OSBPL6: variants seen among roughly 807,000 people sequenced by gnomAD.
The protein encoded by OSBPL6 is oxysterol binding protein like 6.
OSBPL6 carries 49 observed loss-of-function variants against 125.8 expected under a neutral mutation model. That is an observed-to-expected ratio of 0.39 (90% CI 0.31 to 0.49). The LOEUF (loss-of-function observed/expected upper bound fraction) is 0.49. Ranked by LOEUF, OSBPL6 falls within the 20% of genes least tolerant of loss-of-function variation. The pLI, the probability that OSBPL6 is intolerant of heterozygous loss-of-function variation, is 0.88. For missense variants in OSBPL6, 986 were observed against 1,135.4 expected, an observed-to-expected ratio of 0.87 and a Z score of 1.89; for synonymous variants, 394 against 391.8, an observed-to-expected ratio of 1.01 and a Z score of -0.07.
intron 15 of OSBPL6, among the ~76,000 whole-genome samples, chr2:178,378,836 C>A (rs1045627302): frequency 3.3e-5 from 5 of 152,080 alleles, no homozygotes; most frequent in African/African-American, 1.2e-4. Flanking sequence ...GATTTCTGAT[C>A]ATTTCTATGA....
chr2:178,349,444 T>C, intron 12 of OSBPL6, 55 bp downstream of exon 12: 13 of 1,552,234 alleles, frequency 8.4e-6, no homozygotes, highest in Non-Finnish European at 1.1e-5. Flanking sequence ...GATGAAAGAT[T>C]ATCCTTTGTT....
chr2:178,267,437 C>T (rs928614664), intron 1 of OSBPL6, among the ~76,000 whole-genome samples: 1 of 151,840 alleles, frequency 6.6e-6, no homozygotes, highest in Non-Finnish European at 1.5e-5. Context: ...TTTACCTTCC[C>T]CACTTCACTT....
At chr2:178,247,582 C>T (rs1284337100) in intron 1 of OSBPL6, among the ~76,000 whole-genome samples, 1 of 152,108 alleles carries the variant, frequency 6.6e-6, no homozygotes, top group Middle Eastern at 3.2e-3. Flanking sequence ...TTTTCAATTT[C>T]TCCTTCTTCC....
chr2:178,270,768 C>G (rs1056292911), intron 1 of OSBPL6, among the ~76,000 whole-genome samples: 1 of 152,094 alleles, frequency 6.6e-6, no homozygotes, highest in African/African-American at 2.4e-5. Context: ...ATCCATTGGT[C>G]TTGGTTTTGA....
chr2:178,275,720 C>T (rs368550128), intron 1 of OSBPL6, among the ~76,000 whole-genome samples: 14 of 117,804 alleles, frequency 1.2e-4, no homozygotes, highest in South Asian at 3.0e-4. Context: ...AGAAGCCAAA[C>T]GGAGAAAAAA....
intron 1 of OSBPL6, among the ~76,000 whole-genome samples, chr2:178,280,225 A>G (rs966856048): frequency 7.2e-5 from 11 of 152,178 alleles, no homozygotes; most frequent in Admixed American, 5.9e-4. Context: ...AAAATTAAAT[A>G]AAATGAGGTT....
At chr2:178,321,657 T>C (rs1227313442) in intron 3 of OSBPL6, among the ~76,000 whole-genome samples, 3 of 152,226 alleles carry the variant, frequency 2.0e-5, no homozygotes, top group Non-Finnish European at 2.9e-5. Flanking sequence ...GAATAGCTTA[T>C]TTTTTGAAGC....
upstream of OSBPL6, among the ~76,000 whole-genome samples, chr2:178,193,859 G>T (rs2088665718): frequency 6.6e-6 from 1 of 152,148 alleles, no homozygotes; most frequent in Non-Finnish European, 1.5e-5. Flanking sequence ...TCTTCCTTTC[G>T]CAGAACCCAG....
intron 12 of OSBPL6, among the ~76,000 whole-genome samples, chr2:178,359,251 G>T (rs1692100006): frequency 6.6e-6 from 1 of 152,170 alleles, no homozygotes; most frequent in South Asian, 2.1e-4. Context: ...CAAAGGATCT[G>T]AGTAGATACT....
In OSBPL6 at chr2:178,371,785, C is replaced by G. The variant is rs148401968; in HGVS notation, c.1288-341C>G. The stretch of plus-strand genomic sequence containing the variant: ...TTTCAATGAAAACAATAGTTTTCAT[C>G]ACAGGCTGCAAAAAGTAATATATAT... On this transcript the variant is annotated intron_variant, in intron 13 of 24. Coordinates refer to ENST00000190611, the MANE Select transcript of OSBPL6 (RefSeq NM_032523.4). 7.1e-3 allele frequency among the ~76,000 whole-genome samples: 1,081 copies of G among 152,250 alleles called. 11 individuals carry two copies. Among genetic ancestry groups the G allele is most frequent in the African/African-American group, 0.025 (1,019 of 41,544 alleles).
intron 5 of OSBPL6, 74 bp downstream of exon 5, chr2:178,328,452 G>A: frequency 1.3e-6 from 2 of 1,555,438 alleles, no homozygotes; most frequent in Admixed American, 2.0e-5. Context: ...TCATGGGGTG[G>A]GAAACTAAGA....
chr2:178,372,347 A>C, intron 14 of OSBPL6, 114 bp downstream of exon 14: 2 of 669,718 alleles, frequency 3.0e-6, no homozygotes, highest in Non-Finnish European at 4.9e-6. Context: ...TCCCTCCATA[A>C]ATATTTGTGT....
At chr2:178,252,367 C>A (rs186966780) in intron 1 of OSBPL6, among the ~76,000 whole-genome samples, 1 of 151,978 alleles carries the variant, frequency 6.6e-6, no homozygotes, top group South Asian at 2.1e-4. Flanking sequence ...TCAAAAGCAG[C>A]GGTAGACAAA....
At chr2:178,302,786 G>A (rs1686411743) in intron 2 of OSBPL6, among the ~76,000 whole-genome samples, 1 of 152,022 alleles carries the variant, frequency 6.6e-6, no homozygotes. Context: ...CAAAAATCAA[G>A]GTGTTAGCAT....
At chr2:178,209,439 C>CTT (rs71850875) in intron 1 of OSBPL6, among the ~76,000 whole-genome samples, 1,163 of 95,682 alleles carry the variant, frequency 0.012, 18 homozygotes, top group African/African-American at 0.042. Flanking sequence ...TTCTTTCTTT[C>CTT]TTTTTTTTTT....
At chr2:178,327,543 A>T (rs1458789960) in intron 4 of OSBPL6, among the ~76,000 whole-genome samples, 1 of 152,198 alleles carries the variant, frequency 6.6e-6, no homozygotes, top group African/African-American at 2.4e-5. Flanking sequence ...GTGAGTCAAA[A>T]GCCACAGGCA....
chr2:178,285,508 C>T (rs9288017), intron 2 of OSBPL6, among the ~76,000 whole-genome samples: 57,652 of 151,988 alleles, frequency 0.38, 12,105 homozygotes, highest in East Asian at 0.66. Flanking sequence ...TACAGGTACA[C>T]ATTCTTAAAA....
At chr2:178,198,159 T>TGATTGA (rs1290762378) in intron 1 of OSBPL6, among the ~76,000 whole-genome samples, 22 of 152,322 alleles carry the variant, frequency 1.4e-4, no homozygotes, top group African/African-American at 5.1e-4. Context: ...GAGGCACTGC[T>TGATTGA]GATTGAGATG....
chr2:178,280,664 A>T (rs1441180038), intron 1 of OSBPL6, among the ~76,000 whole-genome samples: 2 of 152,222 alleles, frequency 1.3e-5, no homozygotes, highest in African/African-American at 2.4e-5. Flanking sequence ...TTCTTACAGA[A>T]TACATGTAAG....
Sources: allele counts gnomAD v4.1 joint callset (sites outside exome capture counted in the v4.1 genomes callset), GRCh38; gene constraint gnomAD v4.1.1; transcripts MANE v1.5; gene names NCBI Gene and HGNC (gene_info 2026-07-23, HGNC 2026-07-21).